The following GADL1 variants were observed in gnomAD, a reference collection of about 807,000 sequenced individuals.
The protein encoded by GADL1 is acidic amino acid decarboxylase GADL1.
GADL1 carries 71 observed loss-of-function variants against 69.5 expected under a neutral mutation model. That is an observed-to-expected ratio of 1.02 (90% CI 0.84 to 1.25). The LOEUF is 1.25. Among genes scored for constraint, GADL1 ranks in the 50% most tolerant of loss-of-function variants. The probability of loss-of-function intolerance (pLI) is 0.00; values close to 1 mark genes in which losing one functional copy is unlikely to be tolerated. For missense variants in GADL1, 737 were observed against 631.8 expected (o/e 1.17, Z -1.79); for synonymous variants, 254 against 214.4 (o/e 1.18, Z -1.62).
chr3:30,872,848 G>A (rs11717054), intron 1 of GADL1, among the ~76,000 whole-genome samples: 37,945 of 151,772 alleles, frequency 0.25, 5,821 homozygotes, highest in East Asian at 0.5. Flanking sequence ...CTTGGATTCT[G>A]TAGCCATTTC....
chr3:30,876,028 A>T (rs79353018), intron 1 of GADL1, among the ~76,000 whole-genome samples: 1 of 151,870 alleles, frequency 6.6e-6, no homozygotes, highest in Non-Finnish European at 1.5e-5. Flanking sequence ...CTGATTTCCA[A>T]TTCTCCCTTA....
chr3:30,791,417 C>T (rs1406056450), intron 12 of GADL1, among the ~76,000 whole-genome samples: 16 of 152,126 alleles, frequency 1.1e-4, no homozygotes, highest in Admixed American at 1.0e-3. Context: ...AGGCAAATTC[C>T]TAAGCCTTCC....
At chr3:30,804,935 G>C (rs937074673) in intron 11 of GADL1, among the ~76,000 whole-genome samples, 2 of 152,206 alleles carry the variant, frequency 1.3e-5, no homozygotes, top group Admixed American at 1.3e-4. Flanking sequence ...GGAGAATATG[G>C]CTTTTAGGAG....
At chr3:30,840,833 C>T (rs181613686) in intron 8 of GADL1, among the ~76,000 whole-genome samples, 91 of 152,308 alleles carry the variant, frequency 6.0e-4, no homozygotes, top group South Asian at 2.3e-3. Context: ...TCAGTAGAAA[C>T]AGTATTGATG....
intron 13 of GADL1, among the ~76,000 whole-genome samples, chr3:30,781,739 C>T (rs1470111422): frequency 6.6e-6 from 1 of 152,174 alleles, no homozygotes; most frequent in Non-Finnish European, 1.5e-5. Flanking sequence ...GTCTGCCCCA[C>T]AGGGTTGGTT....
intron 14 of GADL1, among the ~76,000 whole-genome samples, chr3:30,773,470 C>T (rs908680728): frequency 3.9e-5 from 6 of 152,184 alleles, no homozygotes; most frequent in African/African-American, 1.2e-4. Flanking sequence ...TAAAAGAAAT[C>T]GCCTGCAACT....
intron 13 of GADL1, among the ~76,000 whole-genome samples, chr3:30,782,118 G>C (rs574125010): frequency 6.6e-6 from 1 of 152,318 alleles, no homozygotes; most frequent in East Asian, 1.9e-4. Context: ...TAGAAACGAA[G>C]ATGGGAGTCA....
chr3:30,776,856 GAAT>G (rs1696552099), intron 14 of GADL1, among the ~76,000 whole-genome samples: 1 of 152,104 alleles, frequency 6.6e-6, no homozygotes, highest in Non-Finnish European at 1.5e-5. Flanking sequence ...TGTGGTCTTT[GAAT>G]CACATTCTCC....
chr3:30,777,032 C>T (rs1341762325), intron 14 of GADL1, among the ~76,000 whole-genome samples: 3 of 152,182 alleles, frequency 2.0e-5, no homozygotes, highest in Non-Finnish European at 4.4e-5. Flanking sequence ...AGTTAATCTC[C>T]ATTCAGGTAC....
At chr3:30,738,737 G>A (rs1387655360) in intron 14 of GADL1, among the ~76,000 whole-genome samples, 3 of 151,942 alleles carry the variant, frequency 2.0e-5, no homozygotes, top group Non-Finnish European at 2.9e-5. Flanking sequence ...CTTTAGTTTC[G>A]GCACTACTGC....
At chr3:30,751,703 CAT>C (rs1379339500) in intron 14 of GADL1, among the ~76,000 whole-genome samples, 17 of 152,130 alleles carry the variant, frequency 1.1e-4, no homozygotes, top group East Asian at 3.9e-4. Flanking sequence ...AATCGTGTCT[CAT>C]AGACACGGAG....
intron 12 of GADL1, among the ~76,000 whole-genome samples, chr3:30,795,863 A>G (rs148986737): frequency 1.3e-3 from 196 of 152,306 alleles, no homozygotes; most frequent in Admixed American, 2.8e-3. Flanking sequence ...TTAAGGCAAA[A>G]AAACTATTAT....
intron 1 of GADL1, among the ~76,000 whole-genome samples, chr3:30,863,095 A>G (rs185242418): frequency 9.2e-5 from 14 of 151,740 alleles, no homozygotes; most frequent in African/African-American, 3.1e-4. Context: ...TCTCTCTCGT[A>G]ATTTGTCAGG....
At chr3:30,837,272 A>T (rs1697889989) in intron 9 of GADL1, among the ~76,000 whole-genome samples, 1 of 152,104 alleles carries the variant, frequency 6.6e-6, no homozygotes, top group East Asian at 1.9e-4. Flanking sequence ...ATGGCATATG[A>T]AGTTTCTTCA....
At chr3:30,751,775 G>A (rs568663018) in intron 14 of GADL1, among the ~76,000 whole-genome samples, 1 of 150,288 alleles carries the variant, frequency 6.7e-6, no homozygotes, top group East Asian at 2.0e-4. Flanking sequence ...CGATGGTCTC[G>A]CCATTTCATG....
chr3:30,828,487 G>T (rs921397556), intron 11 of GADL1, among the ~76,000 whole-genome samples: 1 of 147,846 alleles, frequency 6.8e-6, no homozygotes, highest in South Asian at 2.2e-4. Context: ...AGTGGGGGGG[G>T]TGCGGGGGAG....
At position 30,879,209 on chromosome 3, in the gene GADL1, G is replaced by A. The variant is rs376938311; in HGVS notation, c.37+15369C>T. On this transcript the variant is annotated intron_variant, in intron 1 of 14. Coordinates refer to ENST00000282538, the MANE Select transcript of GADL1 (RefSeq NM_207359.3). ...TCTCTCATGTTAGTCAGAGACTGGG[G>A]TTCTCTCTGAATGAGGTGGTCTCAC... Among the ~76,000 whole-genome samples, 6 of 151,886 alleles carry A rather than the reference G, an allele frequency of 4.0e-5. No homozygotes were observed. In the East Asian group the frequency reaches 9.7e-4, roughly 25 times the overall value.
rs17026642 is a variant in GADL1, at chr3:30,827,568, A to G, written c.1050+6285T>C. Among the ~76,000 whole-genome samples, 3,029 of 152,022 alleles carry G rather than the reference A, an allele frequency of 0.02. 182 individuals are homozygous for G. In the East Asian group the frequency reaches 0.26, roughly 13 times the overall value. The stretch of plus-strand genomic sequence containing the variant: ...GAGAAATAGATAATGGATTCTGAAC[A>G]CATGAGGCTCTAACATTATTATCCC... On this transcript the variant is annotated intron_variant, in intron 11 of 14. Transcript: ENST00000282538.
chr3:30,870,006 A>G (rs1385656216), intron 1 of GADL1, among the ~76,000 whole-genome samples: 1 of 151,864 alleles, frequency 6.6e-6, no homozygotes, highest in Admixed American at 6.6e-5. Context: ...CTTCTGGATG[A>G]GGTGGCATTT....
Sources: allele counts gnomAD v4.1 joint callset (sites outside exome capture counted in the v4.1 genomes callset), GRCh38; gene constraint gnomAD v4.1.1; transcripts MANE v1.5; gene names NCBI Gene and HGNC (gene_info 2026-07-23, HGNC 2026-07-21).